Variants in SGTB observed in about 807,000 individuals in gnomAD.
The protein encoded by SGTB is small glutamine rich tetratricopeptide repeat co-chaperone beta, also known as small glutamine-rich tetratricopeptide repeat-containing protein beta.
A neutral mutation model predicts 43.9 loss-of-function variants in SGTB; 19 were observed. The observed-to-expected ratio is 0.43, with a 90% confidence interval of 0.30 to 0.63. SGTB has a LOEUF of 0.63. Ranked by LOEUF, SGTB falls within the 30% of genes least tolerant of loss-of-function variation. The probability of loss-of-function intolerance (pLI) is 0.12; values close to 1 mark genes in which losing one functional copy is unlikely to be tolerated. For missense variants in SGTB, 304 were observed against 358.9 expected, an observed-to-expected ratio of 0.85 and a Z score of 1.24; for synonymous variants, 116 against 117.3, an observed-to-expected ratio of 0.99 and a Z score of 0.07.
chr5:65,686,638 C>A (rs1757505565), intron 5 of SGTB, among the ~76,000 whole-genome samples: 1 of 152,050 alleles, frequency 6.6e-6, no homozygotes, highest in Non-Finnish European at 1.5e-5. Context: ...GGATTACAGG[C>A]ATGAGCCACC....
intron 8 of SGTB, among the ~76,000 whole-genome samples, chr5:65,676,873 G>C (rs1757275012): frequency 1.3e-5 from 2 of 151,944 alleles, no homozygotes; most frequent in South Asian, 4.2e-4. Flanking sequence ...CAAAAAGCTA[G>C]AAAGATCTCC....
intron 5 of SGTB, among the ~76,000 whole-genome samples, chr5:65,700,269 A>T (rs1293719010): frequency 6.6e-6 from 1 of 152,236 alleles, no homozygotes; most frequent in African/African-American, 2.4e-5. Flanking sequence ...TACAGGACTT[A>T]AAGCTGTACT....
intron 6 of SGTB, among the ~76,000 whole-genome samples, chr5:65,683,483 G>T (rs959038333): frequency 6.6e-6 from 1 of 152,130 alleles, no homozygotes; most frequent in African/African-American, 2.4e-5. Context: ...CATGGAGCAG[G>T]ATAAACTGAG....
chr5:65,709,786 A>T (rs1758010638), intron 3 of SGTB, among the ~76,000 whole-genome samples: 1 of 152,150 alleles, frequency 6.6e-6, no homozygotes, highest in Non-Finnish European at 1.5e-5. Context: ...TATTGTATAG[A>T]GACAGGGTCT....
chr5:65,719,013 CAT>C (rs1250083863), intron 2 of SGTB, among the ~76,000 whole-genome samples: 7 of 152,188 alleles, frequency 4.6e-5, no homozygotes, highest in Non-Finnish European at 8.8e-5. Flanking sequence ...TTTATTTTCA[CAT>C]AGTCTAATCA....
intron 5 of SGTB, among the ~76,000 whole-genome samples, chr5:65,700,514 A>T (rs558367471): frequency 1.3e-5 from 2 of 150,958 alleles, no homozygotes; most frequent in African/African-American, 4.9e-5. Flanking sequence ...CATCTCTACT[A>T]AAAAAAATAC....
At chr5:65,683,458 G>A (rs536283304) in intron 6 of SGTB, among the ~76,000 whole-genome samples, 4 of 152,130 alleles carry the variant, frequency 2.6e-5, no homozygotes, top group Non-Finnish European at 5.9e-5. Context: ...ATCAACTGTA[G>A]ATGAATTTTA....
chr5:65,694,726 C>T (rs951862606), intron 5 of SGTB, among the ~76,000 whole-genome samples: 6 of 152,040 alleles, frequency 3.9e-5, no homozygotes, highest in Non-Finnish European at 8.8e-5. Context: ...GATTCACCCA[C>T]CTCGGCCTCC....
chr5:65,711,221 C>T (rs1174689347), intron 3 of SGTB, among the ~76,000 whole-genome samples: 1 of 151,894 alleles, frequency 6.6e-6, no homozygotes, highest in Non-Finnish European at 1.5e-5. Context: ...TACTAGGCAG[C>T]CAGTTTCAAT....
At chr5:65,701,633 T>A (rs1036280808) in intron 5 of SGTB, among the ~76,000 whole-genome samples, 27 of 147,084 alleles carry the variant, frequency 1.8e-4, no homozygotes, top group African/African-American at 6.5e-4. Context: ...AAATTAAATT[T>A]TTTTTTTTTT....
chr5:65,700,018 C>T (rs1183670869), intron 5 of SGTB, among the ~76,000 whole-genome samples: 2 of 152,022 alleles, frequency 1.3e-5, no homozygotes, highest in African/African-American at 4.8e-5. Flanking sequence ...AATATATATA[C>T]GATTGAGTTA....
intron 4 of SGTB, among the ~76,000 whole-genome samples, chr5:65,708,200 T>C (rs1441866470): frequency 6.6e-6 from 1 of 152,236 alleles, no homozygotes; most frequent in Non-Finnish European, 1.5e-5. Flanking sequence ...GAATTTGAGA[T>C]CCTACAGTAT....
chr5:65,670,479 C>T (rs2150700873), intron 10 of SGTB, 122 bp from the exon 11 acceptor site: 1 of 694,116 alleles, frequency 1.4e-6, no homozygotes, highest in Non-Finnish European at 2.5e-6. Flanking sequence ...AAACAAGTTT[C>T]AGAGCCATGA....
chr5:65,671,972 A>G lies in SGTB; in HGVS notation c.746T>C (p.Ile249Thr), dbSNP rs775245555. Residue 249 changes from isoleucine to threonine, a missense_variant, in exon 10 of 11, where the codon ATT (isoleucine) becomes ACT (threonine). Transcript: ENST00000381007. ...CCCAACTCCAGCAGCAGGTCCCCCA[A>G]TGGCATTTGTCATCATTCCTGACAT... ...QLMSGMMTNA[I>T]GGPAAGVGGL... The G allele has an allele frequency of 4.3e-6, 7 of 1,613,932 alleles. No homozygotes were observed. The East Asian group carries it at 6.7e-5, about 15-fold the overall frequency.
At chr5:65,690,111 T>A (rs928093877) in intron 5 of SGTB, among the ~76,000 whole-genome samples, 6 of 133,668 alleles carry the variant, frequency 4.5e-5, no homozygotes, top group African/African-American at 1.7e-4. Flanking sequence ...AAGGGGGGGA[T>A]GTGGGGGAGA....
intron 10 of SGTB, among the ~76,000 whole-genome samples, chr5:65,670,930 C>T (rs534324488): frequency 5.3e-5 from 8 of 152,204 alleles, no homozygotes; most frequent in South Asian, 2.1e-4. Context: ...AAATGTCCAG[C>T]GAGAGCATCA....
At chr5:65,680,893 T>G (rs955132211) in intron 6 of SGTB, 99 bp from the exon 7 acceptor site, 4 of 1,266,762 alleles carry the variant, frequency 3.2e-6, no homozygotes, top group Middle Eastern at 5.5e-4. Context: ...TATTCAGTTC[T>G]AATCCAGATT....
intron 8 of SGTB, among the ~76,000 whole-genome samples, chr5:65,679,543 G>A (rs1247921180): frequency 1.3e-5 from 2 of 152,146 alleles, no homozygotes; most frequent in Non-Finnish European, 2.9e-5. Flanking sequence ...CTTGAACCCA[G>A]GAGGTGGAGG....
chr5:65,693,531 C>T (rs1008562335), intron 5 of SGTB, among the ~76,000 whole-genome samples: 1 of 152,098 alleles, frequency 6.6e-6, no homozygotes, highest in Admixed American at 6.5e-5. Context: ...ACTATTCTCT[C>T]TCAAGAAGTT....
Sources: gnomAD v4.1 joint callset for allele counts (sites outside exome capture counted in the v4.1 genomes callset) on GRCh38, gnomAD v4.1.1 for gene constraint, MANE v1.5 for transcripts, NCBI Gene and HGNC (gene_info 2026-07-23, HGNC 2026-07-21) for gene names.